RASAL2: variants seen among roughly 807,000 people sequenced by gnomAD.
The protein encoded by RASAL2 is ras GTPase-activating protein nGAP.
RASAL2 carries 58 observed loss-of-function variants against 128.9 expected under a neutral mutation model. That is an observed-to-expected ratio of 0.45 (90% CI 0.36 to 0.56). The LOEUF is 0.56. Among genes scored for constraint, RASAL2 ranks in the 20% least tolerant of loss-of-function variants. The pLI, the probability that RASAL2 is intolerant of heterozygous loss-of-function variation, is 0.00. For synonymous variants in RASAL2, 561 were observed against 580.8 expected (o/e 0.97, Z 0.49); for missense variants, 1,360 against 1,601.6 (o/e 0.85, Z 2.57).
intron 3 of RASAL2, among the ~76,000 whole-genome samples, chr1:178,377,156 A>G (rs866015836): frequency 6.6e-6 from 1 of 152,236 alleles, no homozygotes; most frequent in South Asian, 2.1e-4. Context: ...AATCCTAAAC[A>G]TTTTAAGTTT....
At chr1:178,366,909 A>G (rs566389453) in intron 3 of RASAL2, among the ~76,000 whole-genome samples, 1 of 152,216 alleles carries the variant, frequency 6.6e-6, no homozygotes, top group Admixed American at 6.5e-5. Flanking sequence ...TTGTTAGGGG[A>G]TTAGGGGCTG....
chr1:178,306,144 G>A (rs1054516901), intron 3 of RASAL2, among the ~76,000 whole-genome samples: 5 of 152,084 alleles, frequency 3.3e-5, no homozygotes, highest in Non-Finnish European at 7.4e-5. Context: ...GAGAATATGC[G>A]GTGTTTGGTT....
In RASAL2 at chr1:178,431,845, T is replaced by C. The variant is rs538345353; in HGVS notation, c.675-7577T>C. Reference sequence around the variant, plus strand: ...GTAAATGAATATGTATATATAGACATATATGTTTGTATTTAAATAAATTAT... The same window carrying C: ...GTAAATGAATATGTATATATAGACACATATGTTTGTATTTAAATAAATTAT... On this transcript the variant is annotated intron_variant, in intron 5 of 17. Transcript: ENST00000367649. Among the ~76,000 whole-genome samples the C allele has an allele frequency of 2.0e-5, 3 of 149,746 alleles. No homozygotes were observed. The South Asian group carries it at 6.3e-4, about 31-fold the overall frequency.
Position 178,441,529 on chromosome 1 carries a change from G to A in RASAL2, c.829-20G>A, listed in dbSNP as rs745818137. ...AAATCCAGTGTTTTCTTTTTCTTAT[G>A]TCTAATTTTTATGTTGAAGGTTACC... On this transcript the variant is annotated intron_variant, in intron 6 of 17. Coordinates refer to ENST00000367649, the MANE Select transcript of RASAL2 (RefSeq NM_170692.4). 6.3e-7 allele frequency: 1 copy of A among 1,586,094 alleles called. No homozygotes were observed. The highest frequency in any genetic ancestry group is 8.6e-7 in the Non-Finnish European group (1 of 1,156,118).
At chr1:178,159,026 A>G (rs1482687509) in intron 1 of RASAL2, among the ~76,000 whole-genome samples, 3 of 152,240 alleles carry the variant, frequency 2.0e-5, no homozygotes, top group Admixed American at 2.0e-4. Flanking sequence ...ACAGTCTTAC[A>G]GAGGTTTTGA....
chr1:178,216,970 ATTAT>A (rs922094548), intron 1 of RASAL2, among the ~76,000 whole-genome samples: 8 of 150,824 alleles, frequency 5.3e-5, no homozygotes, highest in Admixed American at 3.3e-4. Flanking sequence ...AGATTTTATT[ATTAT>A]TTATTTATTT....
chr1:178,332,519 T>C (rs1669373419), intron 3 of RASAL2, among the ~76,000 whole-genome samples: 1 of 151,822 alleles, frequency 6.6e-6, no homozygotes, highest in African/African-American at 2.4e-5. Flanking sequence ...AAAACCTGTA[T>C]TCTCAAAATC....
intron 3 of RASAL2, among the ~76,000 whole-genome samples, chr1:178,358,971 T>G (rs1462151174): frequency 6.6e-6 from 1 of 152,162 alleles, no homozygotes; most frequent in Non-Finnish European, 1.5e-5. Context: ...ATGTAAAAAT[T>G]ATACAGTAGT....
At chr1:178,444,821 T>C (rs963537444) in intron 8 of RASAL2, among the ~76,000 whole-genome samples, 1 of 152,158 alleles carries the variant, frequency 6.6e-6, no homozygotes, top group African/African-American at 2.4e-5. Flanking sequence ...ACACCTAATA[T>C]ATGCCAGAAA....
At chr1:178,163,994 G>A (rs1661427019) in intron 1 of RASAL2, among the ~76,000 whole-genome samples, 1 of 151,980 alleles carries the variant, frequency 6.6e-6, no homozygotes, top group African/African-American at 2.4e-5. Context: ...TTATTCCTAA[G>A]TATTTTATTC....
intron 3 of RASAL2, among the ~76,000 whole-genome samples, chr1:178,356,532 C>G (rs1243742236): frequency 1.3e-5 from 2 of 151,948 alleles, no homozygotes; most frequent in Non-Finnish European, 2.9e-5. Flanking sequence ...TGACACACAG[C>G]AACATTAATA....
At chr1:178,472,656 G>T (rs1247433882) in intron 17 of RASAL2, among the ~76,000 whole-genome samples, 1 of 152,174 alleles carries the variant, frequency 6.6e-6, no homozygotes, top group East Asian at 1.9e-4. Context: ...TAGATCACAT[G>T]CTCTTCTCCT....
At chr1:178,407,582 A>G (rs976234664) in intron 4 of RASAL2, among the ~76,000 whole-genome samples, 1 of 152,186 alleles carries the variant, frequency 6.6e-6, no homozygotes, top group Non-Finnish European at 1.5e-5. Context: ...GCATTTTCTT[A>G]CTGTGAATCA....
chr1:178,152,899 A>G (rs879411117), intron 1 of RASAL2, among the ~76,000 whole-genome samples: 5 of 152,198 alleles, frequency 3.3e-5, no homozygotes, highest in Admixed American at 2.6e-4. Flanking sequence ...TTCAGTATAT[A>G]TCTCTAAAAG....
intron 3 of RASAL2, chr1:178,341,620 T>C (rs1669886373): frequency 1.2e-6 from 2 of 1,613,818 alleles, no homozygotes; most frequent in South Asian, 1.1e-5. Flanking sequence ...TAAGAGTTTG[T>C]AGAGTCTGAG....
At chr1:178,254,300 C>G (rs1383029936) in intron 1 of RASAL2, among the ~76,000 whole-genome samples, 1 of 152,118 alleles carries the variant, frequency 6.6e-6, no homozygotes, top group African/African-American at 2.4e-5. Context: ...TAGATTAAGT[C>G]TCCCCATATT....
intron 1 of RASAL2, among the ~76,000 whole-genome samples, chr1:178,157,219 C>T (rs535556182): frequency 1.3e-5 from 2 of 152,280 alleles, no homozygotes; most frequent in South Asian, 2.1e-4. Flanking sequence ...CTGCCCTAGA[C>T]CACTGACAGT....
At chr1:178,302,488 A>G (rs996153259) in intron 3 of RASAL2, among the ~76,000 whole-genome samples, 2 of 152,354 alleles carry the variant, frequency 1.3e-5, no homozygotes, top group East Asian at 3.9e-4. Context: ...AAAACATAAA[A>G]GAAAAAAAGA....
chr1:178,427,308 C>T (rs1023354267), intron 5 of RASAL2, among the ~76,000 whole-genome samples: 5 of 152,106 alleles, frequency 3.3e-5, no homozygotes, highest in African/African-American at 1.2e-4. Flanking sequence ...TGCCTGTTGC[C>T]AGCCTTGCTT....
Sources: gnomAD v4.1 joint callset for allele counts (sites outside exome capture counted in the v4.1 genomes callset) on GRCh38, gnomAD v4.1.1 for gene constraint, MANE v1.5 for transcripts, NCBI Gene and HGNC (gene_info 2026-07-23, HGNC 2026-07-21) for gene names.